Variants in SLC38A6 observed in about 807,000 individuals in gnomAD.
SLC38A6 encodes solute carrier family 38 member 6.
In SLC38A6, 73 loss-of-function variants were observed where a neutral mutation model predicts 65.0. The ratio of observed to expected loss-of-function variants is 1.12; its 90% CI spans 0.93 to 1.37. The LOEUF (loss-of-function observed/expected upper bound fraction) is 1.37. Among genes scored for constraint, SLC38A6 ranks in the 40% most tolerant of loss-of-function variants. SLC38A6 has a pLI of 0.00. For synonymous variants in SLC38A6, 183 were observed against 178.8 expected, an observed-to-expected ratio of 1.02 and a Z score of -0.19; for missense variants, 561 against 531.1, an observed-to-expected ratio of 1.06 and a Z score of -0.55.
chr14:61,058,018 T>A (rs1442063491), intron 15 of SLC38A6, among the ~76,000 whole-genome samples: 1 of 139,332 alleles, frequency 7.2e-6, no homozygotes, highest in Admixed American at 7.2e-5. Context: ...TCTTTTTTTC[T>A]TTATTAGTCT....
rs766357721 is a variant in SLC38A6 at position 61,052,104 on chromosome 14, G to A, written c.1259G>A (p.Arg420Lys). Residue 420 changes from arginine (R) to lysine (K), a missense_variant, in exon 15 of 16, where the codon AGA (arginine) becomes AAA (lysine). Arg to Lys is a conservative substitution (Grantham distance 26). Transcript: ENST00000267488. ...GGACTATTTTATCTTAAACTTAGCA[G>A]AGAGGATTTTCTGTCATGGAAAAAG... ...FPGLFYLKLS[R>K]EDFLSWKKLG... 9 of 1,569,514 alleles carry A rather than the reference G, an allele frequency of 5.7e-6. No homozygotes were observed. The African/African-American group carries it at 1.3e-4, about 22-fold the overall frequency.
chr14:61,072,528 C>T (rs969383682), intron 15 of SLC38A6, among the ~76,000 whole-genome samples: 1 of 152,148 alleles, frequency 6.6e-6, no homozygotes, highest in Non-Finnish European at 1.5e-5. Flanking sequence ...CCTACTACCC[C>T]ACAACCCTTG....
At chr14:61,053,609 G>A (rs1257482527), downstream of SLC38A6, among the ~76,000 whole-genome samples, 1 of 152,078 alleles carries the variant, frequency 6.6e-6, no homozygotes, top group East Asian at 1.9e-4. Context: ...ATCTCCTTGT[G>A]GTTTTGATTT....
At chr14:61,080,714 G>C (rs928923888) in intron 16 of SLC38A6, among the ~76,000 whole-genome samples, 1 of 152,194 alleles carries the variant, frequency 6.6e-6, no homozygotes, top group Non-Finnish European at 1.5e-5. Context: ...CAGTCGGGTG[G>C]GTGTGATTTG....
Position 61,050,635 on chromosome 14 carries a change from C to T in SLC38A6, c.1049C>T (p.Pro350Leu). The T allele has an allele frequency of 1.3e-6, 2 of 1,549,738 alleles. No individual in the cohort carries two copies. Among genetic ancestry groups the T allele is most frequent in the Non-Finnish European group, 1.8e-6 (2 of 1,140,154 alleles). Residue 350 changes from proline (P) to leucine (L), a missense_variant and splice_region_variant, in exon 13 of 16, where the codon CCT becomes CTT. Coordinates refer to ENST00000267488, the MANE Select transcript of SLC38A6 (RefSeq NM_153811.3). Reference sequence around the variant, plus strand: ...TTGACAGTCCCTCTAATCCACTTCCCTGTAAGTACTCTTAAAGGGTTTTGT... The same window carrying T: ...TTGACAGTCCCTCTAATCCACTTCCTTGTAAGTACTCTTAAAGGGTTTTGT... ...VLLTVPLIHF[P>L]ARKAVTMMFF...
intron 3 of SLC38A6, among the ~76,000 whole-genome samples, chr14:60,996,593 G>T (rs757509886): frequency 2.6e-5 from 4 of 152,122 alleles, no homozygotes; most frequent in Non-Finnish European, 4.4e-5. Flanking sequence ...AAAAATTGAT[G>T]TAACTGAAGG....
chr14:61,035,849 ACATATTGCT>A (rs1402370456), intron 6 of SLC38A6, among the ~76,000 whole-genome samples: 2 of 152,128 alleles, frequency 1.3e-5, no homozygotes, highest in Admixed American at 1.3e-4. Context: ...TATGTATCTC[ACATATTGCT>A]CATATTGCTA....
intron 2 of SLC38A6, among the ~76,000 whole-genome samples, chr14:60,983,948 T>G (rs2037267945): frequency 6.6e-6 from 1 of 152,252 alleles, no homozygotes; most frequent in Non-Finnish European, 1.5e-5. Flanking sequence ...ATGACATTTG[T>G]ACTTTTACCT....
chr14:61,036,718 C>T (rs1424969629), intron 6 of SLC38A6, among the ~76,000 whole-genome samples: 1 of 151,832 alleles, frequency 6.6e-6, no homozygotes, highest in Non-Finnish European at 1.5e-5. Context: ...AATTGCTTTC[C>T]AGAAAGGTAA....
At chr14:61,018,345 A>T (rs928488327) in intron 4 of SLC38A6, among the ~76,000 whole-genome samples, 2 of 152,156 alleles carry the variant, frequency 1.3e-5, no homozygotes, top group Non-Finnish European at 1.5e-5. Flanking sequence ...GAAATGCAGA[A>T]TTTTTTCTGG....
chr14:61,014,325 T>C (rs987352273), intron 3 of SLC38A6, among the ~76,000 whole-genome samples: 4 of 152,164 alleles, frequency 2.6e-5, no homozygotes, highest in Admixed American at 2.6e-4. Flanking sequence ...TGCCATGGGT[T>C]CGAACTTCCT....
chr14:61,083,488 A>C (rs971553552), intron 16 of SLC38A6: 1 of 1,510,354 alleles, frequency 6.6e-7, no homozygotes, highest in Non-Finnish European at 8.8e-7. Flanking sequence ...GTCTTTAAAG[A>C]AGTAATTAAA....
chr14:61,061,818 T>C (rs1253771427), intron 15 of SLC38A6, among the ~76,000 whole-genome samples: 1 of 41,642 alleles, frequency 2.4e-5, no homozygotes, highest in Non-Finnish European at 1.1e-4. Flanking sequence ...AGCATTCGTG[T>C]GCAGGTTTTT....
intron 8 of SLC38A6, among the ~76,000 whole-genome samples, chr14:61,039,165 G>A (rs1474827722): frequency 1.3e-5 from 2 of 152,234 alleles, no homozygotes; most frequent in African/African-American, 4.8e-5. Context: ...TTTCTGTCAT[G>A]ACAGATACTC....
chr14:61,043,246 T>G, intron 9 of SLC38A6, 34 bp downstream of exon 9: 1 of 1,332,320 alleles, frequency 7.5e-7, no homozygotes, highest in Non-Finnish European at 1.0e-6. Flanking sequence ...AGTTTCTTCC[T>G]TTTTATTTTA....
chr14:60,981,881 G>A (rs1231933244), intron 1 of SLC38A6, among the ~76,000 whole-genome samples: 5 of 152,206 alleles, frequency 3.3e-5, no homozygotes, highest in Non-Finnish European at 7.3e-5. Context: ...CCTAAAGCCT[G>A]TGCAGTGGGC....
At chr14:61,082,594 T>C (rs2043699977) in intron 16 of SLC38A6, among the ~76,000 whole-genome samples, 1 of 152,198 alleles carries the variant, frequency 6.6e-6, no homozygotes, top group African/African-American at 2.4e-5. Context: ...GTTTAATTCC[T>C]GTTTGCTTGA....
At chr14:60,995,081 A>C (rs1265658302) in intron 3 of SLC38A6, among the ~76,000 whole-genome samples, 1 of 152,046 alleles carries the variant, frequency 6.6e-6, no homozygotes, top group Non-Finnish European at 1.5e-5. Context: ...TTAAATGTAT[A>C]CTGTCAAGTG....
At position 61,019,600 on chromosome 14, in the gene SLC38A6, C is replaced by T. The variant is rs368999274; in HGVS notation, c.403+20C>T. 9 of 1,610,150 alleles carry T rather than the reference C, an allele frequency of 5.6e-6. No homozygotes were observed. The Admixed American group carries it at 1.5e-4, about 27-fold the overall frequency. On this transcript the variant is annotated intron_variant, in intron 5 of 15. Coordinates refer to ENST00000267488, the MANE Select transcript of SLC38A6 (RefSeq NM_153811.3). ...TTGGAGGTAAGCAATTGCAAGTGCA[C>T]TGTTTATACATAAATGTGATGGCAA...
Sources: allele counts gnomAD v4.1 joint callset (sites outside exome capture counted in the v4.1 genomes callset), GRCh38; gene constraint gnomAD v4.1.1; transcripts MANE v1.5; gene names NCBI Gene and HGNC (gene_info 2026-07-23, HGNC 2026-07-21).